OR2A12: variants seen among roughly 807,000 people sequenced by gnomAD.
The protein encoded by OR2A12 is olfactory receptor 2A12.
For missense variants in OR2A12, 380 were observed against 372.5 expected, an observed-to-expected ratio of 1.02 and a Z score of -0.17; for synonymous variants, 153 against 149.3, an observed-to-expected ratio of 1.02 and a Z score of -0.18.
At chr7:144,089,318 G>A in intron 1 of OR2A12, among the ~76,000 whole-genome samples, 1 of 151,246 alleles carries the variant, frequency 6.6e-6, no homozygotes, top group East Asian at 1.9e-4. Flanking sequence ...GCGTGTGCAT[G>A]TGTGTGTGTG....
At chr7:144,090,820 A>G (rs1401163097) in intron 1 of OR2A12, among the ~76,000 whole-genome samples, 1 of 152,222 alleles carries the variant, frequency 6.6e-6, no homozygotes, top group Non-Finnish European at 1.5e-5. Flanking sequence ...TCCTAAGGAT[A>G]AAGACCTTCA....
Position 144,096,107 on chromosome 7 carries a change from TTTTAATTCTTTAA to T in OR2A12, c.*72_*84del, listed in dbSNP as rs1372863699. 2 of 1,155,458 alleles carry T rather than the reference TTTTAATTCTTTAA, an allele frequency of 1.7e-6. No homozygotes were observed. The highest frequency in any genetic ancestry group is 2.5e-6 in the Non-Finnish European group (2 of 804,976). 71.6% of individuals were successfully genotyped at this position (1,155,458 alleles called of 1,614,324 possible). On this transcript the variant is annotated 3_prime_UTR_variant, in exon 2 of 2. Coordinates refer to ENST00000641592, the MANE Select transcript of OR2A12 (RefSeq NM_001004135.2). ...ATGACCCTGGGTCCTGAAATTTCCT[TTTTAATTCTTTAA>T]TTTACCACACCCAATACTGTTTATC...
At chr7:144,090,349 T>G (rs1315139329) in intron 1 of OR2A12, among the ~76,000 whole-genome samples, 2 of 151,474 alleles carry the variant, frequency 1.3e-5, no homozygotes, top group East Asian at 3.9e-4. Context: ...AACCAAGAAA[T>G]ATGTGTAGAT....
intron 1 of OR2A12, among the ~76,000 whole-genome samples, chr7:144,089,464 CTCTG>C (rs1021027276): frequency 6.6e-6 from 1 of 151,950 alleles, no homozygotes; most frequent in Non-Finnish European, 1.5e-5. Flanking sequence ...AAGTGCCTAA[CTCTG>C]TCTTTTAATG....
At chr7:144,090,672 C>T (rs1473326540) in intron 1 of OR2A12, among the ~76,000 whole-genome samples, 2 of 152,124 alleles carry the variant, frequency 1.3e-5, no homozygotes, top group African/African-American at 2.4e-5. Flanking sequence ...TCATGATCCT[C>T]TCTCTCCTCT....
At chr7:144,094,560 G>T (rs1250822054) in intron 1 of OR2A12, among the ~76,000 whole-genome samples, 8 of 152,128 alleles carry the variant, frequency 5.3e-5, no homozygotes, top group Non-Finnish European at 8.8e-5. Context: ...TTTAGGGTTT[G>T]CATTTTGTAT....
chr7:144,091,304 T>G (rs1479106928), intron 1 of OR2A12, among the ~76,000 whole-genome samples: 1 of 152,188 alleles, frequency 6.6e-6, no homozygotes, highest in Non-Finnish European at 1.5e-5. Flanking sequence ...GGCAAGAGAA[T>G]CGCTTGAACT....
chr7:144,093,522 C>T (rs1316665800), intron 1 of OR2A12, among the ~76,000 whole-genome samples: 1 of 151,832 alleles, frequency 6.6e-6, no homozygotes, highest in East Asian at 1.9e-4. Flanking sequence ...TACATGTGCA[C>T]AACTTGCAGG....
chr7:144,091,257 G>A (rs1436226036), intron 1 of OR2A12, among the ~76,000 whole-genome samples: 1 of 152,186 alleles, frequency 6.6e-6, no homozygotes, highest in Non-Finnish European at 1.5e-5. Flanking sequence ...CAGGTGTGAT[G>A]GCGTGTGCCT....
At position 144,095,480 on chromosome 7, in the gene OR2A12, A is replaced by G. The variant is rs1313799247; in HGVS notation, c.373A>G (p.Ile125Val). The G allele has an allele frequency of 1.2e-6, 2 of 1,613,682 alleles. No homozygotes were observed. Among genetic ancestry groups the G allele is most frequent in the Non-Finnish European group, 1.7e-6 (2 of 1,179,720 alleles). Reference protein sequence around the residue: ...VMMCYDRYVAICHPLQYTLIM... With the variant: ...VMMCYDRYVAVCHPLQYTLIM... ...GATGTGCTATGATCGGTATGTGGCA[A>G]TCTGTCACCCCTTGCAATACACCCT... The change falls in exon 2 of 2, where the codon ATC becomes GTC. Residue 125 changes from isoleucine to valine, a missense_variant. Physicochemically the swap from Ile to Val is conservative, Grantham distance 29. Transcript: ENST00000641592.
At chr7:144,094,895 A>G (rs1030471486) in intron 1 of OR2A12, among the ~76,000 whole-genome samples, 162 bp from the exon 2 acceptor site, 3 of 152,226 alleles carry the variant, frequency 2.0e-5, no homozygotes, top group African/African-American at 7.2e-5. Context: ...CCTAGTTTTT[A>G]ATATTAGTCA....
At chr7:144,092,649 G>T (rs1249021683) in intron 1 of OR2A12, among the ~76,000 whole-genome samples, 1 of 152,054 alleles carries the variant, frequency 6.6e-6, no homozygotes, top group Admixed American at 6.6e-5. Flanking sequence ...ACTGTTGTTG[G>T]TGTATAGAAA....
intron 1 of OR2A12, among the ~76,000 whole-genome samples, chr7:144,088,590 G>C (rs943249566): frequency 6.6e-6 from 1 of 152,108 alleles, no homozygotes; most frequent in Non-Finnish European, 1.5e-5. Context: ...AATTGAATAG[G>C]TTTAGAATCT....
Position 144,095,254 on chromosome 7 carries a change from C to T in OR2A12, c.147C>T (p.Tyr49=), listed in dbSNP as rs770838417. The change falls in exon 2 of 2, where the codon TAC becomes TAT. Residue 49 remains tyrosine (Y), a synonymous_variant. Transcript: ENST00000641592. ...ATGGGATTATCCTGGGGCTCATCTA[C>T]TTGGACTCTAGACTGCACACACCCA... ...MGNGIILGLI[Y]LDSRLHTPMY... The T allele has an allele frequency of 6.2e-7, 1 of 1,614,038 alleles. No homozygotes were observed. The highest frequency in any genetic ancestry group is 8.5e-7 in the Non-Finnish European group (1 of 1,179,968).
intron 1 of OR2A12, among the ~76,000 whole-genome samples, chr7:144,094,167 T>A (rs770076483): frequency 2.0e-5 from 3 of 152,168 alleles, no homozygotes; most frequent in Non-Finnish European, 4.4e-5. Context: ...TCATCATTAT[T>A]ATTATTTGAT....
chr7:144,096,138 T>A lies in OR2A12; in HGVS notation c.*98T>A. ...TTCTTTAATTTACCACACCCAATAC[T>A]GTTTATCTTTAGACTTCTTATAAAA... On this transcript the variant is annotated 3_prime_UTR_variant, in exon 2 of 2. Coordinates refer to ENST00000641592, the MANE Select transcript of OR2A12 (RefSeq NM_001004135.2). The A allele has an allele frequency of 1.1e-6, 1 of 879,628 alleles. No individual in the cohort carries two copies. Among genetic ancestry groups the A allele is most frequent in the Non-Finnish European group, 1.8e-6 (1 of 560,466 alleles). The allele number at this position is 879,628 out of a possible 1,614,324, so 54.5% of individuals were successfully genotyped here.
chr7:144,087,011 A>G (rs1237674731), intron 1 of OR2A12, among the ~76,000 whole-genome samples: 1 of 152,054 alleles, frequency 6.6e-6, no homozygotes, highest in African/African-American at 2.4e-5. Flanking sequence ...TTTTCCTATC[A>G]CTTGTGGGAA....
intron 1 of OR2A12, among the ~76,000 whole-genome samples, chr7:144,088,090 T>C (rs984805711): frequency 6.6e-6 from 1 of 152,228 alleles, no homozygotes; most frequent in Non-Finnish European, 1.5e-5. Context: ...TTTGGCTCAC[T>C]GCAACCTCTG....
Position 144,098,580 on chromosome 7 carries a change from T to TA in OR2A12, c.*2547dup, listed in dbSNP as rs2051282760. On this transcript the variant is annotated 3_prime_UTR_variant, in exon 2 of 2. Coordinates refer to ENST00000641592, the MANE Select transcript of OR2A12 (RefSeq NM_001004135.2). ...CATAATCAATGGAAAATATAGAGTT[T>TA]AAAAAAATAGGTTCTCTGGCTCCAG... is the stretch of plus-strand genomic sequence containing the variant. The TA allele has an allele frequency of 6.6e-6, 1 of 152,052 alleles. No individual in the cohort carries two copies. Among genetic ancestry groups the TA allele is most frequent in the South Asian group, 2.1e-4 (1 of 4,824 alleles). 9.4% of individuals were successfully genotyped at this position (152,052 alleles called of 1,614,324 possible). A position where few individuals can be genotyped will look rare whatever the true frequency, so the allele number is the denominator to read the frequency against.
Sources: allele counts gnomAD v4.1 joint callset (sites outside exome capture counted in the v4.1 genomes callset), GRCh38; gene constraint gnomAD v4.1.1; transcripts MANE v1.5; gene names NCBI Gene and HGNC (gene_info 2026-07-23, HGNC 2026-07-21).